Variants in PCDH11X observed in about 807,000 individuals in gnomAD.
PCDH11X encodes protocadherin 11 X-linked.
In PCDH11X, 18 loss-of-function variants were observed where a neutral mutation model predicts 53.3. The observed-to-expected ratio is 0.34, with a 90% CI of 0.23 to 0.50. The LOEUF (loss-of-function observed/expected upper bound fraction) is 0.50. Among genes scored for constraint, PCDH11X ranks in the 20% least tolerant of loss-of-function variants. The pLI, the probability that PCDH11X is intolerant of heterozygous loss-of-function variation, is 0.98. For synonymous variants in PCDH11X, 279 were observed against 393.3 expected, an observed-to-expected ratio of 0.71 and a Z score of 3.44; for missense variants, 570 against 1,032.4, an observed-to-expected ratio of 0.55 and a Z score of 6.14.
intron 9 of PCDH11X, among the ~76,000 whole-genome samples, chrX:92,401,730 C>T (rs2071392445): frequency 8.9e-6 from 1 of 112,125 alleles, no homozygotes. Context: ...TCAGCCTGTG[C>T]TGATTTATAA....
chrX:91,971,012 T>A (rs1179746665), intron 6 of PCDH11X, among the ~76,000 whole-genome samples: 1 of 111,632 alleles, frequency 9.0e-6, no homozygotes, highest in Non-Finnish European at 1.9e-5. Context: ...GAAATTTTAA[T>A]AAGTTTGTTC....
intron 6 of PCDH11X, among the ~76,000 whole-genome samples, chrX:91,960,852 T>C (rs1207269175): frequency 9.0e-6 from 1 of 111,642 alleles, no homozygotes; most frequent in Non-Finnish European, 1.9e-5. Flanking sequence ...GACAATCCTT[T>C]TGCCATTGTG....
intron 1 of PCDH11X, among the ~76,000 whole-genome samples, chrX:91,807,176 CAAA>C (rs1218341876): frequency 3.1e-5 from 1 of 32,306 alleles, no homozygotes. Context: ...CTCATCTCTA[CAAA>C]AAAAAAAAAA....
chrX:92,273,605 G>A (rs1171999989), intron 8 of PCDH11X, among the ~76,000 whole-genome samples: 24 of 110,215 alleles, frequency 2.2e-4, no homozygotes, highest in Non-Finnish European at 3.8e-5. Flanking sequence ...GAGAGTGGAC[G>A]ATGTTTCTCA....
At chrX:92,040,705 G>C (rs368543533) in intron 6 of PCDH11X, among the ~76,000 whole-genome samples, 1 of 110,307 alleles carries the variant, frequency 9.1e-6, no homozygotes, top group Non-Finnish European at 1.9e-5. Flanking sequence ...TTAGTTGTTA[G>C]ACTTTTATGT....
At chrX:92,466,944 T>C (rs1259904322) in intron 9 of PCDH11X, among the ~76,000 whole-genome samples, 1 of 109,883 alleles carries the variant, frequency 9.1e-6, no homozygotes, top group Non-Finnish European at 1.9e-5. Context: ...TTTGTATATT[T>C]GAAAACTCTA....
intron 6 of PCDH11X, among the ~76,000 whole-genome samples, chrX:92,200,727 G>A (rs1259916142): frequency 9.0e-6 from 1 of 111,522 alleles, no homozygotes; most frequent in African/African-American, 3.3e-5. Context: ...ATGGCAAATA[G>A]CAAATTTGTG....
chrX:91,988,547 T>C (rs1170923964), intron 6 of PCDH11X, among the ~76,000 whole-genome samples: 1 of 113,085 alleles, frequency 8.8e-6, no homozygotes, highest in Non-Finnish European at 1.9e-5. Context: ...ATGATAATTA[T>C]AATATGTGTC....
At chrX:91,973,737 C>A (rs1357710384) in intron 6 of PCDH11X, among the ~76,000 whole-genome samples, 2 of 104,387 alleles carry the variant, frequency 1.9e-5, no homozygotes, top group Non-Finnish European at 3.9e-5. Context: ...GCCTCAGACT[C>A]CCAAGTAGCT....
intron 6 of PCDH11X, among the ~76,000 whole-genome samples, chrX:92,095,647 C>G (rs999573466): frequency 7.2e-5 from 8 of 111,812 alleles, no homozygotes; most frequent in African/African-American, 2.6e-4. Flanking sequence ...AGCAAAGATA[C>G]AGTGAACATA....
intron 9 of PCDH11X, among the ~76,000 whole-genome samples, chrX:92,412,162 AGGAG>A (rs2071690378): frequency 1.1e-5 from 1 of 94,716 alleles, no homozygotes; most frequent in African/African-American, 4.5e-5. Flanking sequence ...GAGGAGGAGG[AGGAG>A]GAAAAGGGAG....
intron 8 of PCDH11X, among the ~76,000 whole-genome samples, chrX:92,305,777 A>G (rs1175216564): frequency 2.7e-5 from 3 of 111,376 alleles, no homozygotes; most frequent in Non-Finnish European, 3.8e-5. Flanking sequence ...TTATGATTGA[A>G]TGACAGAGGT....
At chrX:92,471,993 T>A (rs780585723) in intron 10 of PCDH11X, among the ~76,000 whole-genome samples, 2 of 111,550 alleles carry the variant, frequency 1.8e-5, no homozygotes, top group South Asian at 7.5e-4. Context: ...TCATTATAGA[T>A]GCTGGATATT....
chrX:91,846,542 C>T (rs1171572434), intron 5 of PCDH11X, among the ~76,000 whole-genome samples: 1 of 107,767 alleles, frequency 9.3e-6, no homozygotes, highest in Non-Finnish European at 1.9e-5. Flanking sequence ...AGCGTGAACC[C>T]GGGAGGCGGA....
chrX:91,907,233 T>C (rs1215488815), intron 6 of PCDH11X, among the ~76,000 whole-genome samples: 1 of 107,439 alleles, frequency 9.3e-6, no homozygotes. Context: ...AGTGTTTTTG[T>C]ACATAGTTGA....
At chrX:91,922,623 A>G (rs1306795373) in intron 6 of PCDH11X, among the ~76,000 whole-genome samples, 1 of 112,296 alleles carries the variant, frequency 8.9e-6, no homozygotes, top group Non-Finnish European at 1.9e-5. Flanking sequence ...TCATAGGAGC[A>G]TAAACCCTAT....
intron 6 of PCDH11X, among the ~76,000 whole-genome samples, chrX:92,062,172 T>A (rs1208847637): frequency 9.0e-6 from 1 of 111,464 alleles, no homozygotes; most frequent in East Asian, 2.8e-4. Flanking sequence ...ATTTTTGTAT[T>A]ATGAAACTTT....
In PCDH11X at chrX:92,148,180, CTTTCT is replaced by C. The variant is rs2065360406; in HGVS notation, c.3034-53192_3034-53188del. 2.0e-4 allele frequency among the ~76,000 whole-genome samples: 10 copies of C among 49,976 alleles called. 1 individual carries two copies. The highest frequency in any genetic ancestry group is 8.0e-4 in the African/African-American group (9 of 11,263). The allele number at this position is 49,976 out of a possible 115,157, so 43.4% of individuals were successfully genotyped here. ...TCCTTCCTTCCTTCCTTCCTTCTTT[CTTTCT>C]TTCTTTCTTTCTTTCTTTCTTTCTC... On this transcript the variant is annotated intron_variant, in intron 6 of 10. Transcript: ENST00000682573.
chrX:92,483,747 A>G (rs1445443478), intron 10 of PCDH11X, among the ~76,000 whole-genome samples: 1 of 105,703 alleles, frequency 9.5e-6, no homozygotes, highest in African/African-American at 3.4e-5. Context: ...ACTTTATTTT[A>G]TTTATAAAAT....
Sources: allele counts gnomAD v4.1 joint callset (sites outside exome capture counted in the v4.1 genomes callset), GRCh38; gene constraint gnomAD v4.1.1; transcripts MANE v1.5; gene names NCBI Gene and HGNC (gene_info 2026-07-23, HGNC 2026-07-21).